Variants in PHC3 observed in about 807,000 individuals in gnomAD.
PHC3 encodes the protein polyhomeotic homolog 3, also known as polyhomeotic-like protein 3.
In PHC3, 13 loss-of-function variants were observed where a neutral mutation model predicts 107.4. That is an observed-to-expected ratio of 0.12 (90% CI 0.08 to 0.19). The LOEUF (loss-of-function observed/expected upper bound fraction) is 0.19. PHC3 is among the 10% of genes least tolerant of loss of function. The pLI is 1.00. For missense variants in PHC3, 992 were observed against 1,210.9 expected, an observed-to-expected ratio of 0.82 and a Z score of 2.68; for synonymous variants, 456 against 427.4, an observed-to-expected ratio of 1.07 and a Z score of -0.83.
At chr3:170,133,922 G>T (rs1206494615) in intron 7 of PHC3, among the ~76,000 whole-genome samples, 3 of 152,054 alleles carry the variant, frequency 2.0e-5, no homozygotes, top group Non-Finnish European at 4.4e-5. Flanking sequence ...TGAAAGTAAC[G>T]TTCTCTTTAG....
At position 170,113,465 on chromosome 3, in the gene PHC3, C is replaced by A. The variant is rs1278068551; in HGVS notation, c.2248G>T (p.Asp750Tyr). 1 of 1,612,364 alleles carries A rather than the reference C, an allele frequency of 6.2e-7. No individual in the cohort carries two copies. The highest frequency in any genetic ancestry group is 1.1e-5 in the South Asian group (1 of 90,808). The change falls in exon 11 of 15, where the codon GAT (aspartate) becomes TAT (tyrosine). Residue 750 changes from aspartate to tyrosine, a missense_variant. Asp to Tyr is a radical substitution (Grantham distance 160). Transcript: ENST00000495893. The stretch of plus-strand genomic sequence containing the variant: ...CACACTGAATTTATCACCTGATTAT[C>A]CAAAAGAGGCCGTTTTTTCACAGGC... ...EQPVKKRPLL[D>Y]NQVINSVCVQ...
intron 4 of PHC3, chr3:170,170,394 C>A (rs1224926344): frequency 2.0e-5 from 3 of 149,474 alleles, no homozygotes; most frequent in African/African-American, 7.4e-5. Context: ...GCCAGGGATG[C>A]TGCTAAACAT....
Position 170,149,074 on chromosome 3 carries a change from C to T in PHC3, c.573+12G>A. On this transcript the variant is annotated intron_variant, in intron 5 of 14. Transcript: ENST00000495893. Reference sequence around the variant, plus strand: ...CTTAAACACTGAAAAAATTTGGTAGCTCATATCTTACCATTTGAGCTCGGA... The same window carrying T: ...CTTAAACACTGAAAAAATTTGGTAGTTCATATCTTACCATTTGAGCTCGGA... 6.2e-7 allele frequency: 1 copy of T among 1,610,186 alleles called. No homozygotes were observed. The highest frequency in any genetic ancestry group is 8.5e-7 in the Non-Finnish European group (1 of 1,178,460).
rs1318733314 is a variant in PHC3 at position 170,087,814 on chromosome 3, A to C, written c.*9416T>G. 6.6e-6 allele frequency: 1 copy of C among 152,188 alleles called. No homozygotes were observed. The highest frequency in any genetic ancestry group is 1.5e-5 in the Non-Finnish European group (1 of 68,018). The allele number at this position is 152,188 out of a possible 1,614,324, so 9.4% of individuals were successfully genotyped here. A position where few individuals can be genotyped will look rare whatever the true frequency, so the allele number is the denominator to read the frequency against. On this transcript the variant is annotated 3_prime_UTR_variant, in exon 15 of 15. Transcript: ENST00000495893. ...TATAAGGTGCTTTAATTTAATAGTT[A>C]ATGTTGCCATCAACAAACATTTAAA... is the stretch of plus-strand genomic sequence containing the variant.
intron 2 of PHC3, chr3:170,176,920 T>C (rs1730570475): frequency 4.4e-6 from 2 of 456,078 alleles, no homozygotes; most frequent in Non-Finnish European, 8.8e-6. Flanking sequence ...CAAGGCTATA[T>C]AGCTCCTAAA....
chr3:170,131,359 G>A (rs531930294), intron 7 of PHC3, among the ~76,000 whole-genome samples: 1 of 152,126 alleles, frequency 6.6e-6, no homozygotes, highest in Non-Finnish European at 1.5e-5. Context: ...GTGCTTTCAC[G>A]TGTCTCTCAT....
At chr3:170,167,152 A>G (rs1728866696) in intron 4 of PHC3, among the ~76,000 whole-genome samples, 1 of 152,008 alleles carries the variant, frequency 6.6e-6, no homozygotes, top group Non-Finnish European at 1.5e-5. Context: ...ATTTGTGCAT[A>G]TATTTCTATT....
chr3:170,159,927 T>C (rs535884030), intron 4 of PHC3, among the ~76,000 whole-genome samples: 1 of 152,288 alleles, frequency 6.6e-6, no homozygotes, highest in East Asian at 1.9e-4. Flanking sequence ...AAGATAATTA[T>C]AAAAAGAGGT....
intron 6 of PHC3, among the ~76,000 whole-genome samples, chr3:170,137,797 G>T (rs1723349584): frequency 6.6e-6 from 1 of 152,156 alleles, no homozygotes. Context: ...TACTCAGAAG[G>T]CTGAGGCAGG....
chr3:170,160,259 ACT>A (rs1560113820), intron 4 of PHC3, among the ~76,000 whole-genome samples: 3 of 152,286 alleles, frequency 2.0e-5, no homozygotes, highest in East Asian at 1.9e-4. Flanking sequence ...TTGTCTGCAA[ACT>A]CTACCTGTTT....
intron 4 of PHC3, among the ~76,000 whole-genome samples, chr3:170,160,744 C>A (rs1215360216): frequency 6.6e-6 from 1 of 151,922 alleles, no homozygotes; most frequent in Non-Finnish European, 1.5e-5. Flanking sequence ...CTACTGAAAA[C>A]ATACAAAAAA....
At chr3:170,107,597 T>C (rs1716809338) in intron 11 of PHC3, among the ~76,000 whole-genome samples, 2 of 152,152 alleles carry the variant, frequency 1.3e-5, no homozygotes, top group South Asian at 4.1e-4. Flanking sequence ...TATATATACA[T>C]ACATAAAATT....
chr3:170,129,057 G>T lies in PHC3; in HGVS notation c.1415C>A (p.Ala472Asp), dbSNP rs781333571. The change falls in exon 8 of 15, where the codon GCT becomes GAT. Residue 472 changes from alanine (A) to aspartate (D), a missense_variant. Ala to Asp is a moderately radical substitution (Grantham distance 126). Transcript: ENST00000495893. ...LNLPSHLPLPASPVVHIGPVQ... is the reference protein window; with the variant it reads ...LNLPSHLPLPDSPVVHIGPVQ... The stretch of plus-strand genomic sequence containing the variant: ...TGGGCCAATGTGTACAACAGGGGAA[G>T]CTGGAAGTGGAAGATGGGATGGAAG... 1.9e-6 allele frequency: 3 copies of T among 1,612,050 alleles called. No individual in the cohort carries two copies. The highest frequency in any genetic ancestry group is 2.5e-6 in the Non-Finnish European group (3 of 1,178,946).
Position 170,149,174 on chromosome 3 carries a change from C to A in PHC3, c.485G>T (p.Gly162Val). 6.2e-7 allele frequency: 1 copy of A among 1,613,144 alleles called. No homozygotes were observed. The highest frequency in any genetic ancestry group is 8.5e-7 in the Non-Finnish European group (1 of 1,179,686). Reference sequence around the variant, plus strand: ...TAACATAGTCTGTTGGGTAATACTGCCGCTGGTAGAACTGGAAGCCTGGGA... The same window carrying A: ...TAACATAGTCTGTTGGGTAATACTGACGCTGGTAGAACTGGAAGCCTGGGA... ...SRSQASSSTS[G>V]SITQQTMLLG... Residue 162 changes from glycine to valine, a missense_variant, in exon 5 of 15, where the codon GGC (glycine) becomes GTC (valine). By Grantham distance (109) the Gly-to-Val change is moderately radical (BLOSUM62 -3). Transcript: ENST00000495893.
At chr3:170,167,424 A>T (rs1397804703) in intron 4 of PHC3, among the ~76,000 whole-genome samples, 3 of 152,210 alleles carry the variant, frequency 2.0e-5, no homozygotes, top group Admixed American at 2.0e-4. Context: ...CCTTTTACAT[A>T]CATTTATTAT....
chr3:170,132,224 T>G (rs1722367415), intron 7 of PHC3, among the ~76,000 whole-genome samples: 1 of 152,222 alleles, frequency 6.6e-6, no homozygotes, highest in Admixed American at 6.5e-5. Context: ...CACATATTAT[T>G]TCACCCAGTA....
intron 4 of PHC3, among the ~76,000 whole-genome samples, chr3:170,169,510 A>T (rs754891922): frequency 1.3e-5 from 2 of 152,216 alleles, no homozygotes; most frequent in African/African-American, 2.4e-5. Context: ...TAAATAAAGC[A>T]AATGTAATGT....
rs1322068554 is a variant in PHC3, at chr3:170,097,123, G to A, written c.*107C>T. The A allele has an allele frequency of 2.8e-6, 3 of 1,060,898 alleles. No homozygotes were observed. The highest frequency in any genetic ancestry group is 2.5e-5 in the East Asian group (1 of 40,290). 65.7% of individuals were successfully genotyped at this position (1,060,898 alleles called of 1,614,324 possible). On this transcript the variant is annotated 3_prime_UTR_variant, in exon 15 of 15. Coordinates refer to ENST00000495893, the MANE Select transcript of PHC3 (RefSeq NM_024947.4). The surrounding 1 kb of genome is among the most constrained non-coding windows in gnomAD (Gnocchi z 4.1). The stretch of plus-strand genomic sequence containing the variant: ...TGATGTGGAGATCCCAATGTGCTTG[G>A]CTATCCACCACAATAAGTGTCATAT...
rs552135042 is a variant in PHC3 at position 170,129,287 on chromosome 3, T to C, written c.1185A>G (p.Thr395=). 4.3e-6 allele frequency: 7 copies of C among 1,613,894 alleles called. No individual in the cohort carries two copies. The highest frequency in any genetic ancestry group is 3.3e-4 in the Middle Eastern group (2 of 6,062). The part of the protein sequence containing the change: ...SPIQSHPSPL[T]VSPNQSQSAQ... ...CTGACTGTGACTGATTAGGAGACACTGTTAAAGGAGAGGGATGACTCTGAA... is the reference window on the plus strand; with the variant it reads ...CTGACTGTGACTGATTAGGAGACACCGTTAAAGGAGAGGGATGACTCTGAA... The change falls in exon 8 of 15, where the codon ACA becomes ACG. Residue 395 remains threonine, a synonymous_variant. Coordinates refer to ENST00000495893, the MANE Select transcript of PHC3 (RefSeq NM_024947.4).
Sources: gnomAD v4.1 joint callset for allele counts (sites outside exome capture counted in the v4.1 genomes callset) on GRCh38, gnomAD v4.1.1 for gene constraint, Gnocchi (gnomAD v3.1) non-coding constraint, MANE v1.5 for transcripts, NCBI Gene and HGNC (gene_info 2026-07-23, HGNC 2026-07-21) for gene names.